The following NSMCE2 variants were observed in gnomAD, a reference collection of about 807,000 sequenced individuals.
The protein encoded by NSMCE2 is E3 SUMO-protein ligase NSE2.
Under a neutral mutation model 23.8 loss-of-function variants are expected in NSMCE2, and 24 were observed. The observed-to-expected ratio is 1.01, with a 90% CI of 0.73 to 1.42. The LOEUF (loss-of-function observed/expected upper bound fraction) is 1.42, where lower values mean the gene tolerates loss of function less well. Among genes scored for constraint, NSMCE2 ranks in the 40% most tolerant of loss-of-function variants. NSMCE2 has a pLI of 0.00. For synonymous variants in NSMCE2, 92 were observed against 94.1 expected (o/e 0.98, Z 0.13); for missense variants, 284 against 296.5 (o/e 0.96, Z 0.31).
intron 5 of NSMCE2, among the ~76,000 whole-genome samples, chr8:125,353,280 A>G (rs1260624243): frequency 6.6e-6 from 1 of 152,188 alleles, no homozygotes; most frequent in Admixed American, 6.5e-5. Context: ...AGCTACTTTT[A>G]TTTTTACTCT....
In NSMCE2 at chr8:125,119,233, C is replaced by T. The variant is rs568388953; in HGVS notation, c.157+16746C>T. On this transcript the variant is annotated intron_variant, in intron 3 of 7. Coordinates refer to ENST00000287437, the MANE Select transcript of NSMCE2 (RefSeq NM_173685.4). ...CACCTCCAGATTTTCTTTCCTCCAC[C>T]GACTGTAACAACCTGAAAGTTGGCA... 5.3e-5 allele frequency among the ~76,000 whole-genome samples: 8 copies of T among 152,256 alleles called. No homozygotes were observed. In the South Asian group the frequency reaches 1.2e-3, roughly 24 times the overall value.
At chr8:125,161,039 A>G (rs966419859) in intron 4 of NSMCE2, among the ~76,000 whole-genome samples, 3 of 152,122 alleles carry the variant, frequency 2.0e-5, no homozygotes, top group African/African-American at 7.2e-5. Context: ...ATAAATGGAG[A>G]GTATGTGAAT....
At chr8:125,208,853 G>C (rs893812155) in intron 5 of NSMCE2, among the ~76,000 whole-genome samples, 1 of 152,192 alleles carries the variant, frequency 6.6e-6, no homozygotes, top group African/African-American at 2.4e-5. Flanking sequence ...TTTTCAAGTG[G>C]CAAGTATTAA....
intron 5 of NSMCE2, among the ~76,000 whole-genome samples, chr8:125,275,878 C>G (rs962152001): frequency 6.6e-6 from 1 of 152,124 alleles, no homozygotes; most frequent in Non-Finnish European, 1.5e-5. Context: ...CTGCAAAACC[C>G]AAGTGTCTTC....
At chr8:125,265,225 T>C (rs1563752014) in intron 5 of NSMCE2, among the ~76,000 whole-genome samples, 2 of 151,784 alleles carry the variant, frequency 1.3e-5, no homozygotes. Context: ...TTACTTTTTT[T>C]TTTTTTTCTT....
intron 4 of NSMCE2, among the ~76,000 whole-genome samples, chr8:125,157,890 A>G (rs1481609041): frequency 1.3e-5 from 2 of 152,236 alleles, no homozygotes; most frequent in African/African-American, 4.8e-5. Flanking sequence ...GTGAATAAGT[A>G]TAATAGGAAA....
chr8:125,202,052 G>A (rs780407983), intron 5 of NSMCE2, among the ~76,000 whole-genome samples: 8 of 152,236 alleles, frequency 5.3e-5, no homozygotes, highest in South Asian at 2.1e-4. Context: ...TGGTCTGTTG[G>A]TTGCTAAGAC....
intron 3 of NSMCE2, among the ~76,000 whole-genome samples, chr8:125,147,963 A>G (rs1820784520): frequency 6.6e-6 from 1 of 152,066 alleles, no homozygotes; most frequent in South Asian, 2.1e-4. Flanking sequence ...TCTAGTTCTC[A>G]TCGTAGGTCT....
At chr8:125,190,309 C>T (rs1823290712) in intron 5 of NSMCE2, among the ~76,000 whole-genome samples, 1 of 152,150 alleles carries the variant, frequency 6.6e-6, no homozygotes, top group South Asian at 2.1e-4. Context: ...ATCATTGCAG[C>T]TGAAGAGGTT....
chr8:125,117,646 G>C (rs1451849629), intron 3 of NSMCE2, among the ~76,000 whole-genome samples: 1 of 152,062 alleles, frequency 6.6e-6, no homozygotes, highest in Non-Finnish European at 1.5e-5. Context: ...TCCCAAAGTA[G>C]CTGGGACCAG....
At chr8:125,163,281 C>T (rs1279020285) in intron 4 of NSMCE2, among the ~76,000 whole-genome samples, 1 of 152,096 alleles carries the variant, frequency 6.6e-6, no homozygotes, top group Admixed American at 6.6e-5. Context: ...ATGACTAACT[C>T]ATCAGACAGC....
At chr8:125,262,680 T>C (rs1330403879) in intron 5 of NSMCE2, among the ~76,000 whole-genome samples, 1 of 152,018 alleles carries the variant, frequency 6.6e-6, no homozygotes, top group Non-Finnish European at 1.5e-5. Flanking sequence ...GTGTAAGCAT[T>C]ACACTGGAAG....
chr8:125,327,338 A>G (rs1460891811), intron 5 of NSMCE2, among the ~76,000 whole-genome samples: 1 of 152,072 alleles, frequency 6.6e-6, no homozygotes, highest in Non-Finnish European at 1.5e-5. Context: ...TACTGAATGA[A>G]TGTAGTATAA....
chr8:125,213,134 C>T lies in NSMCE2; in HGVS notation c.418+30878C>T, dbSNP rs187705775. On this transcript the variant is annotated intron_variant, in intron 5 of 7. Coordinates refer to ENST00000287437, the MANE Select transcript of NSMCE2 (RefSeq NM_173685.4). Reference sequence around the variant, plus strand: ...AGTATTTGGCTTTGAAAGAGTCGACCTGTATGAAAAAGAAATGTTGAACAT... The same window carrying T: ...AGTATTTGGCTTTGAAAGAGTCGACTTGTATGAAAAAGAAATGTTGAACAT... 1.6e-3 allele frequency among the ~76,000 whole-genome samples: 249 copies of T among 152,054 alleles called. 1 individual carries two copies. The highest frequency in any genetic ancestry group is 5.7e-3 in the African/African-American group (238 of 41,472).
intron 5 of NSMCE2, among the ~76,000 whole-genome samples, chr8:125,274,318 A>T (rs1056508362): frequency 2.0e-5 from 3 of 152,218 alleles, no homozygotes; most frequent in East Asian, 3.8e-4. Context: ...GTGAAACAGG[A>T]TTTTTTAAAA....
chr8:125,365,705 A>C (rs1813752940), intron 7 of NSMCE2, among the ~76,000 whole-genome samples: 1 of 151,852 alleles, frequency 6.6e-6, no homozygotes, highest in African/African-American at 2.4e-5. Context: ...AAAATACACA[A>C]AATTAGCCAG....
intron 5 of NSMCE2, among the ~76,000 whole-genome samples, chr8:125,267,890 G>A (rs867863334): frequency 1.3e-5 from 2 of 152,192 alleles, no homozygotes; most frequent in Middle Eastern, 3.4e-3. Context: ...GGTGGAATTA[G>A]GAAGGAAAGA....
intron 5 of NSMCE2, among the ~76,000 whole-genome samples, chr8:125,203,961 C>G (rs1823998353): frequency 2.6e-5 from 4 of 152,124 alleles, no homozygotes; most frequent in Non-Finnish European, 5.9e-5. Context: ...ATGGGATTCC[C>G]TAGTCCTTAT....
chr8:125,267,260 G>A (rs1338896260), intron 5 of NSMCE2, among the ~76,000 whole-genome samples: 3 of 151,972 alleles, frequency 2.0e-5, no homozygotes, highest in Non-Finnish European at 2.9e-5. Context: ...TGCCTGCCTC[G>A]GCCTTCCAAA....
Sources: gnomAD v4.1 joint callset for allele counts (sites outside exome capture counted in the v4.1 genomes callset) on GRCh38, gnomAD v4.1.1 for gene constraint, MANE v1.5 for transcripts, NCBI Gene and HGNC (gene_info 2026-07-23, HGNC 2026-07-21) for gene names.